Variants in PAQR5 observed in about 807,000 individuals in gnomAD.
PAQR5 encodes membrane progestin receptor gamma.
Under a neutral mutation model 34.5 loss-of-function variants are expected in PAQR5, and 20 were observed. That is an observed-to-expected ratio of 0.58 (90% CI 0.41 to 0.84). The LOEUF (loss-of-function observed/expected upper bound fraction) is 0.84. PAQR5 is among the 40% of genes least tolerant of loss of function. The pLI is 0.00. For synonymous variants in PAQR5, 131 were observed against 155.6 expected (o/e 0.84, Z 1.18); for missense variants, 378 against 412.7 (o/e 0.92, Z 0.73).
At chr15:69,401,408 G>T (rs984589650) in intron 8 of PAQR5, among the ~76,000 whole-genome samples, 1 of 152,166 alleles carries the variant, frequency 6.6e-6, no homozygotes, top group Non-Finnish European at 1.5e-5. Context: ...AGAAGGGGTT[G>T]TAACTAGTAA....
At chr15:69,324,423 G>A (rs922882775) in intron 1 of PAQR5, among the ~76,000 whole-genome samples, 1 of 152,184 alleles carries the variant, frequency 6.6e-6, no homozygotes, top group African/African-American at 2.4e-5. Flanking sequence ...AGATACCATG[G>A]GTTTTCATCC....
chr15:69,403,300 A>G (rs2056692012), intron 8 of PAQR5, among the ~76,000 whole-genome samples: 1 of 152,202 alleles, frequency 6.6e-6, no homozygotes, highest in Non-Finnish European at 1.5e-5. Context: ...ATACAATTTA[A>G]TGATATTTTC....
At chr15:69,311,511 A>T (rs1396837301) in intron 1 of PAQR5, among the ~76,000 whole-genome samples, 1 of 152,148 alleles carries the variant, frequency 6.6e-6, no homozygotes, top group Non-Finnish European at 1.5e-5. Context: ...CTCCCCTGCA[A>T]CTTAAAATCC....
chr15:69,347,073 C>T lies in PAQR5; in HGVS notation c.-116+9572C>T, dbSNP rs529032629. The stretch of plus-strand genomic sequence containing the variant: ...CTGACCTCAGGTGACCCACCTGCCT[C>T]GGCCTCCCAAAGTGCTGAGATTACA... On this transcript the variant is annotated intron_variant, in intron 2 of 8. Coordinates refer to ENST00000395407, the MANE Select transcript of PAQR5 (RefSeq NM_017705.4). 1.5e-4 allele frequency among the ~76,000 whole-genome samples: 23 copies of T among 152,230 alleles called. No homozygotes were observed. In the South Asian group the frequency reaches 3.7e-3, roughly 25 times the overall value.
At position 69,384,765 on chromosome 15, in the gene PAQR5, A is replaced by C. The variant is rs1206783324; in HGVS notation, c.268A>C (p.Thr90Pro). 6.2e-7 allele frequency: 1 copy of C among 1,613,538 alleles called. No individual in the cohort carries two copies. The highest frequency in any genetic ancestry group is 8.5e-7 in the Non-Finnish European group (1 of 1,179,482). The change falls in exon 5 of 9, where the codon ACC becomes CCC. Residue 90 changes from threonine to proline, a missense_variant. By Grantham distance (38) the Thr-to-Pro change is conservative. Transcript: ENST00000395407. ...YSWPMLVYMC[T>P]SCVYPLVSSC... ...CTGGCCCATGCTTGTGTACATGTGC[A>C]CCAGCTGCGTGTACCCACTTGTGTC...
intron 5 of PAQR5, among the ~76,000 whole-genome samples, 160 bp from the exon 6 acceptor site, chr15:69,389,494 A>G (rs937722): frequency 0.8 from 121,520 of 152,154 alleles, 51,694 homozygotes; most frequent in Non-Finnish European, 0.96. Flanking sequence ...AGAGAAGAGA[A>G]AGCAGGACAT....
chr15:69,333,524 C>G (rs2054438739), intron 1 of PAQR5, among the ~76,000 whole-genome samples: 2 of 152,148 alleles, frequency 1.3e-5, no homozygotes, highest in African/African-American at 2.4e-5. Context: ...GGCGTCCCCA[C>G]CCCGCACTGG....
chr15:69,370,160 T>C (rs2055519229), intron 3 of PAQR5, among the ~76,000 whole-genome samples: 1 of 152,214 alleles, frequency 6.6e-6, no homozygotes, highest in Admixed American at 6.5e-5. Context: ...TAAAACATGT[T>C]TGTAGCAATC....
chr15:69,338,192 C>T (rs1397466692), intron 2 of PAQR5, among the ~76,000 whole-genome samples: 4 of 152,212 alleles, frequency 2.6e-5, no homozygotes, highest in Non-Finnish European at 5.9e-5. Context: ...AGAAGCCCCT[C>T]CTAATGTAAC....
chr15:69,403,735 C>T lies in PAQR5; in HGVS notation c.906C>T (p.Cys302=), dbSNP rs1056575120. 20 of 1,614,134 alleles carry T rather than the reference C, an allele frequency of 1.2e-5. No individual in the cohort carries two copies. Among genetic ancestry groups the T allele is most frequent in the Admixed American group, 3.3e-5 (2 of 60,028 alleles). Reference sequence around the variant, plus strand: ...AGATAGCTGGAGCCATACTTCTGTGCATCATCTTCAGCCTCAGCAACATAA... The same window carrying T: ...AGATAGCTGGAGCCATACTTCTGTGTATCATCTTCAGCCTCAGCAACATAA... The part of the protein sequence containing the change: ...FSQIAGAILL[C]IIFSLSNIIY... The change falls in exon 9 of 9, where the codon TGC becomes TGT. Residue 302 remains cysteine (C), a synonymous_variant. Coordinates refer to ENST00000395407, the MANE Select transcript of PAQR5 (RefSeq NM_017705.4).
intron 1 of PAQR5, chr15:69,314,470 C>T (rs1178350761): frequency 6.6e-6 from 1 of 152,300 alleles, no homozygotes; most frequent in Non-Finnish European, 1.5e-5. Context: ...AGCCACCCAA[C>T]ATCTCTGGGC....
rs545003429 is a variant in PAQR5, at chr15:69,406,905, G to A, written c.*3083G>A. The A allele has an allele frequency of 2.0e-5, 3 of 152,248 alleles. No individual in the cohort carries two copies. The highest frequency in any genetic ancestry group is 2.1e-4 in the South Asian group (1 of 4,810). The allele number at this position is 152,248 out of a possible 1,614,324, so 9.4% of individuals were successfully genotyped here. A position where few individuals can be genotyped will look rare whatever the true frequency, so the allele number is the denominator to read the frequency against. On this transcript the variant is annotated 3_prime_UTR_variant, in exon 9 of 9. Coordinates refer to ENST00000395407, the MANE Select transcript of PAQR5 (RefSeq NM_017705.4). ...AAAAAAGAATTTGTAATTGTTGGTA[G>A]GATGTTATGGGAAATTTAGAGGTCT... is the stretch of plus-strand genomic sequence containing the variant.
chr15:69,368,003 A>C (rs2140877423), intron 3 of PAQR5, among the ~76,000 whole-genome samples: 2 of 152,176 alleles, frequency 1.3e-5, no homozygotes, highest in East Asian at 3.9e-4. Flanking sequence ...TCAGTTCGGA[A>C]GAGTCCTTCC....
intron 4 of PAQR5, among the ~76,000 whole-genome samples, chr15:69,383,391 C>A (rs1243726426): frequency 6.1e-5 from 5 of 82,632 alleles, no homozygotes; most frequent in Non-Finnish European, 9.4e-5. Flanking sequence ...GGGTGACTGG[C>A]CCTCTGTGTT....
chr15:69,322,095 T>C (rs1326716817), intron 1 of PAQR5, among the ~76,000 whole-genome samples: 1 of 139,028 alleles, frequency 7.2e-6, no homozygotes, highest in Non-Finnish European at 1.5e-5. Flanking sequence ...ATCCCAGCAC[T>C]TTTGGAGGCC....
intron 2 of PAQR5, among the ~76,000 whole-genome samples, chr15:69,355,344 TTTTC>T (rs202183150): frequency 3.6e-5 from 2 of 56,148 alleles, no homozygotes; most frequent in African/African-American, 1.4e-4. Context: ...TTCTTTCTTT[TTTTC>T]TTTCTTTCTT....
intron 6 of PAQR5, chr15:69,391,649 C>T (rs1433151631): frequency 1.5e-5 from 7 of 455,868 alleles, no homozygotes; most frequent in Non-Finnish European, 2.6e-5. Context: ...CCATCTGGTT[C>T]GCTCTCCTAG....
Position 69,394,124 on chromosome 15 carries a change from T to G in PAQR5, c.513-3344T>G, listed in dbSNP as rs139532618. On this transcript the variant is annotated intron_variant, in intron 6 of 8. Transcript: ENST00000395407. ...TTGTTTTTTTTTTGTTTTTTGTTTTTTTTTTTTCAAAGAGCTGCTGAGTGA... is the reference window on the plus strand; with the variant it reads ...TTGTTTTTTTTTTGTTTTTTGTTTTGTTTTTTTCAAAGAGCTGCTGAGTGA... 6.1e-3 allele frequency among the ~76,000 whole-genome samples: 931 copies of G among 151,958 alleles called. 9 individuals carry two copies. The highest frequency in any genetic ancestry group is 0.021 in the African/African-American group (889 of 41,418).
chr15:69,345,561 T>C (rs74769048), intron 2 of PAQR5, among the ~76,000 whole-genome samples: 4,595 of 152,276 alleles, frequency 0.03, 148 homozygotes, highest in South Asian at 0.16. Flanking sequence ...TGGAAAGGTT[T>C]TAGCCTGAAA....
Sources: gnomAD v4.1 joint callset for allele counts (sites outside exome capture counted in the v4.1 genomes callset) on GRCh38, gnomAD v4.1.1 for gene constraint, MANE v1.5 for transcripts, NCBI Gene and HGNC (gene_info 2026-07-23, HGNC 2026-07-21) for gene names.